KIAA1217: variants seen among roughly 807,000 people sequenced by gnomAD.
The protein encoded by KIAA1217 is KIAA1217, also known as sickle tail protein homolog.
KIAA1217 carries 88 observed loss-of-function variants against 163.9 expected under a neutral mutation model. That is an observed-to-expected ratio of 0.54 (90% CI 0.45 to 0.64). The LOEUF is 0.64. Ranked by LOEUF, KIAA1217 falls within the 30% of genes least tolerant of loss-of-function variation. KIAA1217 has a pLI of 0.00. For synonymous variants in KIAA1217, 903 were observed against 923.1 expected, an observed-to-expected ratio of 0.98 and a Z score of 0.39; for missense variants, 2,372 against 2,475.0, an observed-to-expected ratio of 0.96 and a Z score of 0.88.
chr10:24,510,641 C>A (rs945116602), intron 9 of KIAA1217, among the ~76,000 whole-genome samples: 1 of 152,142 alleles, frequency 6.6e-6, no homozygotes, highest in Admixed American at 6.5e-5. Context: ...ATCACTCATT[C>A]CCGCCCCCTT....
intron 1 of KIAA1217, among the ~76,000 whole-genome samples, chr10:23,897,583 A>T (rs1392737652): frequency 6.6e-6 from 1 of 152,026 alleles, no homozygotes; most frequent in African/African-American, 2.4e-5. Flanking sequence ...CCTGGGGTGA[A>T]TCACAATCCT....
intron 2 of KIAA1217, among the ~76,000 whole-genome samples, chr10:24,251,400 C>CAAAAAAAAAAAAAAAAAAAAA (rs55668887): frequency 1.1e-5 from 1 of 90,534 alleles, no homozygotes; most frequent in Non-Finnish European, 2.2e-5. Context: ...GACACTGTCT[C>CAAAAAAAAAAAAAAAAAAAAA]AAAAAAAAAA....
chr10:23,790,882 G>A (rs1481757249), intron 1 of KIAA1217, among the ~76,000 whole-genome samples: 4 of 151,832 alleles, frequency 2.6e-5, no homozygotes, highest in Non-Finnish European at 5.9e-5. Flanking sequence ...CTACAGGGAT[G>A]TGCCACCAGG....
intron 1 of KIAA1217, among the ~76,000 whole-genome samples, chr10:23,976,724 A>G (rs1258361563): frequency 1.3e-5 from 2 of 152,204 alleles, no homozygotes; most frequent in East Asian, 1.9e-4. Flanking sequence ...GACATTCTGT[A>G]TTCTCAAATG....
chr10:24,144,750 T>C (rs897506052), intron 2 of KIAA1217, among the ~76,000 whole-genome samples: 4 of 152,196 alleles, frequency 2.6e-5, no homozygotes, highest in Non-Finnish European at 5.9e-5. Flanking sequence ...GACAATTTCC[T>C]ATGCTTCTGC....
intron 6 of KIAA1217, chr10:24,481,594 C>T (rs1275831067): frequency 6.6e-6 from 1 of 152,310 alleles, no homozygotes; most frequent in South Asian, 2.1e-4. Context: ...ACTAATAATA[C>T]ATTGTAGGTT....
chr10:23,881,538 G>C lies in KIAA1217; in HGVS notation c.-320-125687G>C, dbSNP rs909544837. 2.4e-4 allele frequency among the ~76,000 whole-genome samples: 36 copies of C among 151,924 alleles called. 1 individual carries two copies. Among genetic ancestry groups the C allele is most frequent in the Admixed American group, 1.8e-3 (28 of 15,244 alleles). ...CTTTAATTGTGCTAAATTGCTGAAA[G>C]GGATTCGCTGGAATCAAGAAACACT... On this transcript the variant is annotated intron_variant, in intron 1 of 18. Coordinates refer to the KIAA1217 transcript ENST00000376462.
chr10:23,963,542 A>G (rs1205250554), intron 1 of KIAA1217, among the ~76,000 whole-genome samples: 1 of 152,156 alleles, frequency 6.6e-6, no homozygotes, highest in Non-Finnish European at 1.5e-5. Flanking sequence ...TGGTTCCAAG[A>G]CTTTGCTATT....
In KIAA1217 at chr10:24,501,082, TAAAA is replaced by T. The variant is rs977143731; in HGVS notation, c.1835-296_1835-293del. Among the ~76,000 whole-genome samples, 154 of 106,858 alleles carry T rather than the reference TAAAA, an allele frequency of 1.4e-3. 1 individual carries two copies. The highest frequency in any genetic ancestry group is 5.6e-3 in the African/African-American group (122 of 21,888). 70.1% of individuals were successfully genotyped at this position (106,858 alleles called of 152,430 possible). Reference sequence around the variant, plus strand: ...AGGGGTTAAGAAAAGAAAAAAAAATTAAAATAAAAAAAAAATAAACAAAATTGAT... The same window carrying T: ...AGGGGTTAAGAAAAGAAAAAAAAATTTAAAAAAAAAATAAACAAAATTGAT... On this transcript the variant is annotated intron_variant, in intron 8 of 20. Transcript: ENST00000376454.
At chr10:24,519,733 G>T (rs1251534969) in intron 10 of KIAA1217, among the ~76,000 whole-genome samples, 1 of 152,002 alleles carries the variant, frequency 6.6e-6, no homozygotes, top group Non-Finnish European at 1.5e-5. Context: ...TTACTGCACC[G>T]CAGGTCGGTC....
rs1223168081 is a variant in KIAA1217, at chr10:23,790,471, A to G, written c.-321+95237A>G. On this transcript the variant is annotated intron_variant, in intron 1 of 18. Coordinates refer to the KIAA1217 transcript ENST00000376462. ...TATATACATGTGCATATATACATAT[A>G]TACATGTGCATATATACATATATAC... Among the ~76,000 whole-genome samples, 6 of 111,216 alleles carry G rather than the reference A, an allele frequency of 5.4e-5. 1 individual carries two copies. The highest frequency in any genetic ancestry group is 2.1e-4 in the African/African-American group (5 of 23,446). The allele number at this position is 111,216 out of a possible 152,430, so 73.0% of individuals were successfully genotyped here.
chr10:23,901,815 C>T (rs1841967512), intron 1 of KIAA1217, among the ~76,000 whole-genome samples: 1 of 150,094 alleles, frequency 6.7e-6, no homozygotes, highest in Non-Finnish European at 1.5e-5. Flanking sequence ...GGAGCCTTAA[C>T]CAGGAGAATC....
intron 1 of KIAA1217, among the ~76,000 whole-genome samples, chr10:23,989,125 A>G (rs975199604): frequency 5.9e-5 from 9 of 152,226 alleles, no homozygotes; most frequent in African/African-American, 2.2e-4. Flanking sequence ...CAACAGTTGG[A>G]ACAGAAACTT....
At chr10:23,988,078 T>C (rs1198500006) in intron 1 of KIAA1217, among the ~76,000 whole-genome samples, 4 of 150,616 alleles carry the variant, frequency 2.7e-5, no homozygotes, top group Non-Finnish European at 5.9e-5. Flanking sequence ...ATCCTTCTCA[T>C]TCAGAACTTT....
At chr10:24,295,211 T>A (rs1351624484) in intron 2 of KIAA1217, among the ~76,000 whole-genome samples, 3 of 152,338 alleles carry the variant, frequency 2.0e-5, no homozygotes, top group Non-Finnish European at 4.4e-5. Context: ...AATTATAGCA[T>A]CTCTTAGTTA....
chr10:24,509,377 T>C (rs2068790558), intron 9 of KIAA1217, among the ~76,000 whole-genome samples: 1 of 152,168 alleles, frequency 6.6e-6, no homozygotes. Flanking sequence ...CTTCCCTCTT[T>C]AGTACCCTCA....
chr10:24,201,753 C>A (rs1386680863), intron 2 of KIAA1217, among the ~76,000 whole-genome samples: 1 of 151,498 alleles, frequency 6.6e-6, no homozygotes, highest in Non-Finnish European at 1.5e-5. Context: ...AAAATAAAAT[C>A]ACTGTAAAAA....
chr10:23,862,558 A>G (rs368250777), intron 1 of KIAA1217, among the ~76,000 whole-genome samples: 5 of 152,292 alleles, frequency 3.3e-5, no homozygotes, highest in East Asian at 3.9e-4. Context: ...AGTTTAAGAT[A>G]TAGGGAAATT....
At chr10:23,926,049 C>G (rs532062834) in intron 1 of KIAA1217, among the ~76,000 whole-genome samples, 1 of 152,162 alleles carries the variant, frequency 6.6e-6, no homozygotes, top group Non-Finnish European at 1.5e-5. Context: ...GCAGACCTCC[C>G]CATACTGAGG....
Sources: gnomAD v4.1 joint callset for allele counts (sites outside exome capture counted in the v4.1 genomes callset) on GRCh38, gnomAD v4.1.1 for gene constraint, MANE v1.5 for transcripts, NCBI Gene and HGNC (gene_info 2026-07-23, HGNC 2026-07-21) for gene names.